Variants in RNF43 observed in about 807,000 individuals in gnomAD.
The protein encoded by RNF43 is E3 ubiquitin-protein ligase RNF43.
A neutral mutation model predicts 78.4 loss-of-function variants in RNF43; 37 were observed. That is an observed-to-expected ratio of 0.47 (90% confidence interval 0.36 to 0.62). The LOEUF (loss-of-function observed/expected upper bound fraction) is 0.62. Ranked by LOEUF, RNF43 falls within the 20% of genes least tolerant of loss-of-function variation. The probability of loss-of-function intolerance (pLI) is 0.00; values close to 1 mark genes in which losing one functional copy is unlikely to be tolerated. For synonymous variants in RNF43, 347 were observed against 395.0 expected (o/e 0.88, Z 1.44); for missense variants, 774 against 1,007.9 (o/e 0.77, Z 3.14).
intron 2 of RNF43, among the ~76,000 whole-genome samples, chr17:58,378,088 A>G (rs1598146934): frequency 6.6e-6 from 1 of 152,256 alleles, no homozygotes; most frequent in East Asian, 1.9e-4. Flanking sequence ...GCTCACATCT[A>G]CAGGTTAGAT....
intron 2 of RNF43, among the ~76,000 whole-genome samples, chr17:58,374,396 T>TC (rs1413998851): frequency 6.8e-6 from 1 of 146,220 alleles, no homozygotes; most frequent in African/African-American, 2.5e-5. Context: ...TCACTCTTCT[T>TC]TTTTTTTTTT....
At chr17:58,355,096 C>T in intron 9 of RNF43, 110 bp from the exon 10 acceptor site, 1 of 973,674 alleles carries the variant, frequency 1.0e-6, no homozygotes, top group South Asian at 1.3e-5. Context: ...GAGGGAGAAG[C>T]AGAGACTGTC....
rs534154781 is a variant in RNF43, at chr17:58,381,506, C to A, written c.253-10473G>T. ...ACAGGAGAGTGGATTTTTATTCCCACCCACAGTGTAGCCTTCCAGGCAGGG... is the reference window on the plus strand; with the variant it reads ...ACAGGAGAGTGGATTTTTATTCCCAACCACAGTGTAGCCTTCCAGGCAGGG... On this transcript the variant is annotated intron_variant, in intron 2 of 9. Coordinates refer to ENST00000407977, the MANE Select transcript of RNF43 (RefSeq NM_017763.6). Among the ~76,000 whole-genome samples, 5 of 152,310 alleles carry A rather than the reference C, an allele frequency of 3.3e-5. No individual in the cohort carries two copies. The South Asian group carries it at 1.0e-3, about 32-fold the overall frequency.
chr17:58,388,617 T>A (rs1420822721), intron 2 of RNF43, among the ~76,000 whole-genome samples: 1 of 152,194 alleles, frequency 6.6e-6, no homozygotes, highest in Non-Finnish European at 1.5e-5. Flanking sequence ...GGAGATGACA[T>A]ATACACAAAG....
intron 2 of RNF43, among the ~76,000 whole-genome samples, chr17:58,396,162 A>C (rs555576589): frequency 3.3e-5 from 5 of 152,206 alleles, no homozygotes; most frequent in Non-Finnish European, 7.3e-5. Flanking sequence ...TCAAAATCCC[A>C]ACCTAAAAAA....
At chr17:58,408,927 C>T (rs188180504) in intron 2 of RNF43, among the ~76,000 whole-genome samples, 65 of 152,270 alleles carry the variant, frequency 4.3e-4, no homozygotes, top group African/African-American at 1.4e-3. Context: ...TTTCACAGAA[C>T]TCATATTCCA....
intron 5 of RNF43, 94 bp downstream of exon 5, chr17:58,363,181 G>A (rs2680700): frequency 8.0e-5 from 117 of 1,461,756 alleles, no homozygotes; most frequent in Non-Finnish European, 1.0e-4. Context: ...AGGATCTCTC[G>A]CAGCTCCAGG....
At chr17:58,364,637 AG>A (rs1482109983) in intron 3 of RNF43, among the ~76,000 whole-genome samples, 3 of 152,128 alleles carry the variant, frequency 2.0e-5, no homozygotes, top group Non-Finnish European at 2.9e-5. Context: ...CCTAGGGCAA[AG>A]GTTCATCTTC....
At position 58,415,554 on chromosome 17, in the gene RNF43, C is replaced by T. The variant is rs149183435; in HGVS notation, c.24G>A (p.Gln8=). Residue 8 remains glutamine, a synonymous_variant, in exon 2 of 10, where the codon CAG becomes CAA. Coordinates refer to ENST00000407977, the MANE Select transcript of RNF43 (RefSeq NM_017763.6). The stretch of plus-strand genomic sequence containing the variant: ...GCAGCCAGGGCCAGAGGGCAGCCAG[C>T]TGCAGCTGGTGGCCACCACTCATGC... The part of the protein sequence containing the change: MSGGHQL[Q]LAALWPWLLM... The T allele has an allele frequency of 1.6e-5, 26 of 1,609,082 alleles. No individual in the cohort carries two copies. The highest frequency in any genetic ancestry group is 2.7e-5 in the African/African-American group (2 of 74,952).
chr17:58,370,199 G>A (rs1335826213), intron 3 of RNF43, among the ~76,000 whole-genome samples: 4 of 151,138 alleles, frequency 2.6e-5, no homozygotes, highest in Non-Finnish European at 5.9e-5. Context: ...CTCCTGAGTA[G>A]CTGGGATTAC....
intron 2 of RNF43, among the ~76,000 whole-genome samples, chr17:58,390,489 C>A (rs974148630): frequency 2.0e-5 from 3 of 152,134 alleles, no homozygotes; most frequent in Non-Finnish European, 4.4e-5. Context: ...ACCTTGAATA[C>A]CAGTGAGTGT....
intron 2 of RNF43, among the ~76,000 whole-genome samples, chr17:58,382,040 G>C (rs898461602): frequency 6.6e-6 from 1 of 151,954 alleles, no homozygotes; most frequent in African/African-American, 2.4e-5. Context: ...CCAATCCTTT[G>C]ACCAGCCCTC....
In RNF43 at chr17:58,363,412, G is replaced by C. The variant is rs1972883090; in HGVS notation, c.451-6C>G. On this transcript the variant is annotated splice_polypyrimidine_tract_variant and splice_region_variant and intron_variant, in intron 4 of 9. Transcript: ENST00000407977. ...AGCCCCAGCGGCTGCTGCAGCTACA[G>C]GGGGAAAGTGCCCACAGGGCTGCTG... The C allele has an allele frequency of 5.0e-6, 8 of 1,614,120 alleles. No individual in the cohort carries two copies. Among genetic ancestry groups the C allele is most frequent in the Non-Finnish European group, 6.8e-6 (8 of 1,180,002 alleles).
intron 2 of RNF43, among the ~76,000 whole-genome samples, chr17:58,379,035 C>T (rs1223890409): frequency 6.6e-6 from 1 of 152,170 alleles, no homozygotes; most frequent in African/African-American, 2.4e-5. Flanking sequence ...AAGCAAGACT[C>T]AAGTTACAGA....
intron 2 of RNF43, among the ~76,000 whole-genome samples, chr17:58,379,973 T>C (rs1973279311): frequency 6.6e-6 from 1 of 152,316 alleles, no homozygotes; most frequent in East Asian, 1.9e-4. Flanking sequence ...GCCCGTCAAA[T>C]ATCATTTTAG....
In RNF43 at chr17:58,415,518, G is replaced by A. The variant is rs1462324236; in HGVS notation, c.60C>T (p.Thr20=). ...AALWPWLLMA[T]LQAGFGRTGL... ...CTGTGCGTCCAAAGCCTGCCTGCAG[G>A]GTAGCCATCAGCAGCCAGGGCCAGA... Residue 20 remains threonine, a synonymous_variant, in exon 2 of 10, where the codon ACC becomes ACT. Coordinates refer to ENST00000407977, the MANE Select transcript of RNF43 (RefSeq NM_017763.6). The A allele has an allele frequency of 3.1e-6, 5 of 1,612,270 alleles. No individual in the cohort carries two copies. Among genetic ancestry groups the A allele is most frequent in the Non-Finnish European group, 4.2e-6 (5 of 1,180,022 alleles).
At chr17:58,375,006 C>T (rs2143535400) in intron 2 of RNF43, among the ~76,000 whole-genome samples, 1 of 152,300 alleles carries the variant, frequency 6.6e-6, no homozygotes, top group Non-Finnish European at 1.5e-5. Flanking sequence ...CACCCCCACT[C>T]TAACCACCAA....
chr17:58,383,229 A>AT (rs920063708), intron 2 of RNF43, among the ~76,000 whole-genome samples: 76 of 152,094 alleles, frequency 5.0e-4, no homozygotes, highest in African/African-American at 1.8e-3. Flanking sequence ...GATGAATTAC[A>AT]TTTTTCCCCC....
At chr17:58,392,325 C>T (rs1417192350) in intron 2 of RNF43, among the ~76,000 whole-genome samples, 3 of 152,204 alleles carry the variant, frequency 2.0e-5, no homozygotes, top group Non-Finnish European at 4.4e-5. Flanking sequence ...CAAATACATA[C>T]TTCATATTAA....
Sources: allele counts gnomAD v4.1 joint callset (sites outside exome capture counted in the v4.1 genomes callset), GRCh38; gene constraint gnomAD v4.1.1; transcripts MANE v1.5; gene names NCBI Gene and HGNC (gene_info 2026-07-23, HGNC 2026-07-21).